The following ATP6V1B1 variants were observed in gnomAD, a reference collection of about 807,000 sequenced individuals.
The protein encoded by ATP6V1B1 is V-type proton ATPase subunit B, kidney isoform.
Under a neutral mutation model 62.1 loss-of-function variants are expected in ATP6V1B1, and 41 were observed. That is an observed-to-expected ratio of 0.66 (90% confidence interval 0.51 to 0.86). ATP6V1B1 has a LOEUF of 0.86. Among genes scored for constraint, ATP6V1B1 ranks in the 40% least tolerant of loss-of-function variants. ATP6V1B1 has a pLI of 0.00. For synonymous variants in ATP6V1B1, 253 were observed against 273.4 expected (o/e 0.93, Z 0.74); for missense variants, 651 against 697.5 (o/e 0.93, Z 0.75).
chr2:70,942,512 G>A (rs960794631), intron 1 of ATP6V1B1: 4 of 397,620 alleles, frequency 1.0e-5, no homozygotes, highest in Non-Finnish European at 1.8e-5. Context: ...AGGGACTTTT[G>A]GTTTTTCTTT....
intron 2 of ATP6V1B1, among the ~76,000 whole-genome samples, chr2:70,945,313 G>A (rs576326998): frequency 3.9e-5 from 6 of 152,258 alleles, no homozygotes; most frequent in Admixed American, 2.0e-4. Flanking sequence ...TAATTCTACC[G>A]TGGTTTGTTC....
In ATP6V1B1 at chr2:70,963,266, G is replaced by A. The variant is rs1680634578; in HGVS notation, c.1014G>A (p.Arg338=). The stretch of plus-strand genomic sequence containing the variant: ...AGCGGGCGGGCCGCGTGGAGGGTCG[G>A]GGAGGATCCATCACACAGATCCCCA... ...IYERAGRVEG[R]GGSITQIPIL... is the part of the protein sequence containing the mutation. The change falls in exon 10 of 14, where the codon CGG becomes CGA. Residue 338 remains arginine, a synonymous_variant. Transcript: ENST00000234396. The surrounding 1 kb of genome is among the most constrained non-coding windows in gnomAD (Gnocchi z 4.3). The A allele has an allele frequency of 6.2e-7, 1 of 1,613,580 alleles. No homozygotes were observed. The highest frequency in any genetic ancestry group is 1.7e-5 in the Admixed American group (1 of 60,002).
At chr2:70,948,750 C>T (rs1680250741) in intron 2 of ATP6V1B1, 1 of 152,258 alleles carries the variant, frequency 6.6e-6, no homozygotes, top group Non-Finnish European at 1.5e-5. Flanking sequence ...GTTTGGGGAA[C>T]CACAGGTCAC....
At chr2:70,954,107 A>G (rs1289528435) in intron 2 of ATP6V1B1, among the ~76,000 whole-genome samples, 1 of 151,818 alleles carries the variant, frequency 6.6e-6, no homozygotes, top group African/African-American at 2.4e-5. Flanking sequence ...TCTATTCTAT[A>G]TTTGTTTTCT....
In ATP6V1B1 at chr2:70,960,019, A is replaced by G. The variant is rs1553419761; in HGVS notation, c.526A>G (p.Ser176Gly). The G allele has an allele frequency of 6.2e-7, 1 of 1,614,224 alleles. No individual in the cohort carries two copies. The highest frequency in any genetic ancestry group is 1.7e-5 in the Admixed American group (1 of 60,030). The change falls in exon 6 of 14, where the codon AGC becomes GGC. Residue 176 changes from serine to glycine, a missense_variant. Physicochemically the swap from Ser to Gly is moderately conservative, Grantham distance 56 (BLOSUM62 0). Coordinates refer to ENST00000234396, the MANE Select transcript of ATP6V1B1 (RefSeq NM_001692.4). ...CATTTCTCCTATTGACGTCATGAAC[A>G]GCATTGCCCGCGGCCAGAAGATCCC... The part of the protein sequence containing the change: ...TGISPIDVMN[S>G]IARGQKIPIF...
chr2:70,955,903 T>C (rs1176201023), intron 2 of ATP6V1B1: 1 of 157,568 alleles, frequency 6.3e-6, no homozygotes, highest in Non-Finnish European at 1.5e-5. Flanking sequence ...TTTTTCACAA[T>C]CTAGGAAGCT....
intron 2 of ATP6V1B1, 36 bp from the exon 3 acceptor site, chr2:70,958,010 T>C: frequency 6.3e-7 from 1 of 1,592,636 alleles, no homozygotes. Flanking sequence ...TTGCCTCCAG[T>C]CTCACTGTCA....
At chr2:70,943,475 C>T (rs1553416733) in intron 1 of ATP6V1B1, 183 bp from the exon 2 acceptor site, 1 of 734,628 alleles carries the variant, frequency 1.4e-6, no homozygotes, top group Admixed American at 2.0e-5. Flanking sequence ...AGCAGGGGCC[C>T]TGCGGGCAGG....
In ATP6V1B1 at chr2:70,959,854, C is replaced by T. The variant is rs538711377; in HGVS notation, c.446-85C>T. 270 of 1,604,004 alleles carry T rather than the reference C, an allele frequency of 1.7e-4. No individual in the cohort carries two copies. The highest frequency in any genetic ancestry group is 1.4e-3 in the African/African-American group (103 of 74,852). ...TCACAGAAAGTTCCGTCAAACAGGG[C>T]GGCTCTGGAGTCTGGGGTCAGTGTC... On this transcript the variant is annotated intron_variant, in intron 5 of 13. Transcript: ENST00000234396. The surrounding 1 kb of genome is among the most constrained non-coding windows in gnomAD (Gnocchi z 4.2).
chr2:70,941,698 G>T, intron 1 of ATP6V1B1: 1 of 980,830 alleles, frequency 1.0e-6, no homozygotes, highest in Non-Finnish European at 1.2e-6. Context: ...CAGTAGATAT[G>T]CTTGAAGAAA....
In ATP6V1B1 at chr2:70,954,723, T is replaced by A. The variant is rs376092090; in HGVS notation, c.175-3323T>A. On this transcript the variant is annotated intron_variant, in intron 2 of 13. Transcript: ENST00000234396. Reference sequence around the variant, plus strand: ...ATCTCAACCTCCTAGGTTCAAGTGATCCTCTCACCTCAGCCTCCCAAAGTG... The same window carrying A: ...ATCTCAACCTCCTAGGTTCAAGTGAACCTCTCACCTCAGCCTCCCAAAGTG... 5.9e-5 allele frequency among the ~76,000 whole-genome samples: 9 copies of A among 152,284 alleles called. No homozygotes were observed. The East Asian group carries it at 1.4e-3, about 23-fold the overall frequency.
In ATP6V1B1 at chr2:70,965,086, G is replaced by T; in HGVS notation, c.1507G>T (p.Ala503Ser). 1 of 1,612,676 alleles carries T rather than the reference G, an allele frequency of 6.2e-7. No homozygotes were observed. Among genetic ancestry groups the T allele is most frequent in the Non-Finnish European group, 8.5e-7 (1 of 1,180,028 alleles). The change falls in exon 14 of 14, where the codon GCG becomes TCG. Residue 503 changes from alanine to serine, a missense_variant. Coordinates refer to ENST00000234396, the MANE Select transcript of ATP6V1B1 (RefSeq NM_001692.4). Reference protein sequence around the residue: ...VIDEFYSREGALQDLAPDTAL With the variant: ...VIDEFYSREGSLQDLAPDTAL ...CGACGAGTTCTATTCCCGCGAGGGG[G>T]CGCTGCAGGACCTCGCGCCTGACAC...
intron 2 of ATP6V1B1, among the ~76,000 whole-genome samples, chr2:70,952,906 C>T (rs1553418519): frequency 1.3e-5 from 2 of 152,140 alleles, no homozygotes; most frequent in African/African-American, 4.8e-5. Context: ...TTGCTTTGCT[C>T]CTAATTTTAA....
chr2:70,940,213 C>A, intron 1 of ATP6V1B1: 1 of 266,018 alleles, frequency 3.8e-6, no homozygotes, highest in Non-Finnish European at 5.8e-6. Flanking sequence ...TTCTACATGA[C>A]AGGGGCTGTG....
chr2:70,961,498 G>T, intron 7 of ATP6V1B1, 98 bp from the exon 8 acceptor site: 1 of 1,257,788 alleles, frequency 8.0e-7, no homozygotes, highest in Non-Finnish European at 1.2e-6. Context: ...ACTGGTAGCT[G>T]GTCAGTCCAC....
intron 1 of ATP6V1B1, 71 bp from the exon 2 acceptor site, chr2:70,943,587 A>G: frequency 6.7e-7 from 1 of 1,502,270 alleles, no homozygotes; most frequent in South Asian, 1.1e-5. Flanking sequence ...AAGGGAAGGC[A>G]GAGGATGCCT....
intron 8 of ATP6V1B1, among the ~76,000 whole-genome samples, chr2:70,962,100 G>T (rs1303425881): frequency 2.6e-5 from 4 of 152,170 alleles, no homozygotes; most frequent in Non-Finnish European, 4.4e-5. Flanking sequence ...GGTATTTCTG[G>T]AGGGTACTCC....
Position 70,951,170 on chromosome 2 carries a change from T to C in ATP6V1B1, c.175-6876T>C, listed in dbSNP as rs542884864. Among the ~76,000 whole-genome samples, 25 of 152,212 alleles carry C rather than the reference T, an allele frequency of 1.6e-4. No individual in the cohort carries two copies. In the South Asian group the frequency reaches 5.0e-3, roughly 30 times the overall value. On this transcript the variant is annotated intron_variant, in intron 2 of 13. Coordinates refer to ENST00000234396, the MANE Select transcript of ATP6V1B1 (RefSeq NM_001692.4). Reference sequence around the variant, plus strand: ...TTTGACCAGGCTGGTCTCGAACTTCTGACCTCAGGTGATCTGCCCGCCTCG... The same window carrying C: ...TTTGACCAGGCTGGTCTCGAACTTCCGACCTCAGGTGATCTGCCCGCCTCG...
intron 8 of ATP6V1B1, among the ~76,000 whole-genome samples, chr2:70,962,076 A>G (rs1048923959): frequency 6.6e-6 from 1 of 152,098 alleles, no homozygotes; most frequent in Non-Finnish European, 1.5e-5. Context: ...AAACAATTCT[A>G]ATAAACTATC....
Sources: gnomAD v4.1 joint callset for allele counts (sites outside exome capture counted in the v4.1 genomes callset) on GRCh38, gnomAD v4.1.1 for gene constraint, Gnocchi (gnomAD v3.1) non-coding constraint, MANE v1.5 for transcripts, NCBI Gene and HGNC (gene_info 2026-07-23, HGNC 2026-07-21) for gene names.